The following P2RY12 variants were observed in gnomAD, a reference collection of about 807,000 sequenced individuals.
P2RY12 encodes the protein P2Y purinoceptor 12.
P2RY12 carries 3 observed loss-of-function variants against 4.5 expected under a neutral mutation model. The ratio of observed to expected loss-of-function variants is 0.67; its 90% CI spans 0.31 to 1.74. The LOEUF (loss-of-function observed/expected upper bound fraction) is 1.74. P2RY12 is among the 40% of genes most tolerant of loss of function. P2RY12 has a pLI of 0.09. For missense variants in P2RY12, 356 were observed against 407.8 expected (o/e 0.87, Z 1.09); for synonymous variants, 148 against 154.1 (o/e 0.96, Z 0.29).
rs897434919 is a variant in P2RY12 at position 151,338,766 on chromosome 3, A to G, written c.80T>C (p.Leu27Pro). 9.9e-6 allele frequency: 16 copies of G among 1,613,682 alleles called. No homozygotes were observed. The highest frequency in any genetic ancestry group is 1.3e-5 in the Non-Finnish European group (15 of 1,179,906). Residue 27 changes from leucine (L) to proline (P), a missense_variant, in exon 3 of 3, where the codon CTC becomes CCC. By Grantham distance (98) the Leu-to-Pro change is moderately conservative. Transcript: ENST00000302632. Reference protein sequence around the residue: ...CTRDYKITQVLFPLLYTVLFF... With the variant: ...CTRDYKITQVPFPLLYTVLFF... ...CAGGACAGTGTAGAGCAGTGGGAAGAGGACCTGGGTGATTTTGTAGTCTCT... is the reference window on the plus strand; with the variant it reads ...CAGGACAGTGTAGAGCAGTGGGAAGGGGACCTGGGTGATTTTGTAGTCTCT...
At chr3:151,372,503 C>A in intron 1 of P2RY12, 1 of 1,176,092 alleles carries the variant, frequency 8.5e-7, no homozygotes, top group Non-Finnish European at 1.3e-6. Context: ...TCCTCATTTG[C>A]TCCTCAATTA....
At chr3:151,363,110 G>C (rs1040299749) in intron 1 of P2RY12, among the ~76,000 whole-genome samples, 1 of 152,040 alleles carries the variant, frequency 6.6e-6, no homozygotes, top group East Asian at 1.9e-4. Context: ...GGGGTGTGTG[G>C]AAATTTAGGG....
intron 1 of P2RY12, among the ~76,000 whole-genome samples, chr3:151,371,475 A>T (rs79367820): frequency 0.058 from 8,798 of 152,316 alleles, 337 homozygotes; most frequent in East Asian, 0.1. Context: ...TGAGAAACAT[A>T]TGATTATATA....
intron 1 of P2RY12, among the ~76,000 whole-genome samples, chr3:151,349,342 T>C (rs1752946473): frequency 6.6e-6 from 1 of 152,216 alleles, no homozygotes; most frequent in Admixed American, 6.5e-5. Context: ...AGAACATGTT[T>C]GCATTTTCAG....
chr3:151,356,157 TG>T, intron 1 of P2RY12: 1 of 1,028,076 alleles, frequency 9.7e-7, no homozygotes, highest in Non-Finnish European at 1.4e-6. Flanking sequence ...CCTGGCACTT[TG>T]GGAGGCCGAG....
At chr3:151,378,048 C>A in intron 1 of P2RY12, 1 of 1,610,336 alleles carries the variant, frequency 6.2e-7, no homozygotes, top group African/African-American at 1.3e-5. Context: ...TGGTGGCCCC[C>A]CTCATCGCCA....
At chr3:151,372,470 A>G (rs1756312249) in intron 1 of P2RY12, 2 of 843,718 alleles carry the variant, frequency 2.4e-6, no homozygotes, top group Admixed American at 1.9e-5. Context: ...TACTGTTCAT[A>G]TATTTTAAAT....
chr3:151,373,161 A>C (rs767016116), intron 1 of P2RY12, among the ~76,000 whole-genome samples: 3 of 152,132 alleles, frequency 2.0e-5, no homozygotes, highest in African/African-American at 7.2e-5. Flanking sequence ...TTTCTCATCT[A>C]TAGGCCACAG....
intron 1 of P2RY12, among the ~76,000 whole-genome samples, chr3:151,356,250 A>G (rs989282653): frequency 1.3e-5 from 2 of 152,084 alleles, no homozygotes; most frequent in Admixed American, 1.3e-4. Context: ...AAATTTAAAA[A>G]TTAGCTGGTT....
intron 1 of P2RY12, among the ~76,000 whole-genome samples, chr3:151,362,223 A>C (rs1364518507): frequency 6.6e-6 from 1 of 152,016 alleles, no homozygotes; most frequent in East Asian, 1.9e-4. Context: ...ACACATTTTC[A>C]ACATCCACTA....
At chr3:151,379,726 G>C (rs748852389) in intron 1 of P2RY12, among the ~76,000 whole-genome samples, 4 of 152,180 alleles carry the variant, frequency 2.6e-5, no homozygotes, top group Admixed American at 2.6e-4. Flanking sequence ...TAAAACAAGA[G>C]TTTTATATGA....
intron 1 of P2RY12, among the ~76,000 whole-genome samples, chr3:151,378,643 A>T (rs1445903783): frequency 6.6e-6 from 1 of 152,088 alleles, no homozygotes; most frequent in African/African-American, 2.4e-5. Context: ...CACCACAACT[A>T]ATGTTTTCTT....
At chr3:151,359,982 T>C (rs1754409154) in intron 1 of P2RY12, among the ~76,000 whole-genome samples, 1 of 152,168 alleles carries the variant, frequency 6.6e-6, no homozygotes, top group South Asian at 2.1e-4. Context: ...CATAGGGGAA[T>C]GTATACATGC....
intron 1 of P2RY12, among the ~76,000 whole-genome samples, chr3:151,346,689 C>T (rs1375782651): frequency 6.6e-6 from 1 of 152,090 alleles, no homozygotes; most frequent in East Asian, 1.9e-4. Flanking sequence ...CATTTGCTGG[C>T]TTATTTCTCC....
chr3:151,376,040 G>A, intron 1 of P2RY12: 1 of 1,585,708 alleles, frequency 6.3e-7, no homozygotes, highest in Non-Finnish European at 8.6e-7. Flanking sequence ...GGGTAGGAGA[G>A]CATTGCTTAA....
chr3:151,349,944 G>A, intron 1 of P2RY12: 1 of 862,882 alleles, frequency 1.2e-6, no homozygotes, highest in Non-Finnish European at 1.7e-6. Context: ...AGGGAGGGCG[G>A]GATGCCACCA....
At chr3:151,365,541 CTA>C (rs1280522746) in intron 1 of P2RY12, among the ~76,000 whole-genome samples, 2 of 152,104 alleles carry the variant, frequency 1.3e-5, no homozygotes, top group Non-Finnish European at 2.9e-5. Context: ...TACATGATGT[CTA>C]TAAATTTTTT....
At chr3:151,356,742 C>T (rs1416868345) in intron 1 of P2RY12, among the ~76,000 whole-genome samples, 1 of 152,016 alleles carries the variant, frequency 6.6e-6, no homozygotes, top group African/African-American at 2.4e-5. Context: ...CAGAACAAAC[C>T]TTATGATTTG....
At chr3:151,342,733 T>G (rs1486121771) in intron 1 of P2RY12, among the ~76,000 whole-genome samples, 1 of 152,204 alleles carries the variant, frequency 6.6e-6, no homozygotes, top group African/African-American at 2.4e-5. Context: ...TGGAAAGGGT[T>G]GTATTGTTAT....
Sources: allele counts gnomAD v4.1 joint callset (sites outside exome capture counted in the v4.1 genomes callset), GRCh38; gene constraint gnomAD v4.1.1; transcripts MANE v1.5; gene names NCBI Gene and HGNC (gene_info 2026-07-23, HGNC 2026-07-21).